TMEM117: variants seen among roughly 807,000 people sequenced by gnomAD.
The protein encoded by TMEM117 is transmembrane protein 117.
Under a neutral mutation model 52.4 loss-of-function variants are expected in TMEM117, and 27 were observed. The ratio of observed to expected loss-of-function variants is 0.51; its 90% CI spans 0.38 to 0.71. TMEM117 has a LOEUF of 0.71. TMEM117 is among the 30% of genes least tolerant of loss of function. TMEM117 has a pLI of 0.00. For synonymous variants in TMEM117, 215 were observed against 206.3 expected (o/e 1.04, Z -0.36); for missense variants, 556 against 630.5 (o/e 0.88, Z 1.26).
chr12:43,804,633 A>T, the TMEM117 span: 1 of 1,186,498 alleles, frequency 8.4e-7, no homozygotes, highest in Non-Finnish European at 1.2e-6. Context: ...TTTCCTATCT[A>T]TATTGGAAAA....
At chr12:43,809,211 C>T in the TMEM117 span, among the ~76,000 whole-genome samples, 9 of 152,304 alleles carry the variant, frequency 5.9e-5, no homozygotes, top group African/African-American at 1.9e-4. Flanking sequence ...AATCATTCAT[C>T]CATCCATCTT....
At chr12:43,903,413 G>A (rs186328968) in intron 2 of TMEM117, among the ~76,000 whole-genome samples, 2 of 152,148 alleles carry the variant, frequency 1.3e-5, no homozygotes, top group Non-Finnish European at 2.9e-5. Flanking sequence ...AGGGACATTA[G>A]AATGAGTCAT....
At chr12:44,191,571 A>AG (rs907325585) in intron 4 of TMEM117, among the ~76,000 whole-genome samples, 1 of 152,172 alleles carries the variant, frequency 6.6e-6, no homozygotes, top group Admixed American at 6.6e-5. Flanking sequence ...TGTCCTACTC[A>AG]GATGATTTGA....
At chr12:44,098,567 G>A (rs2138067667) in intron 3 of TMEM117, among the ~76,000 whole-genome samples, 1 of 152,028 alleles carries the variant, frequency 6.6e-6, no homozygotes, top group Non-Finnish European at 1.5e-5. Flanking sequence ...TTAAAATATG[G>A]CCATTAGTAT....
At chr12:44,251,449 G>C (rs1458024321) in intron 5 of TMEM117, among the ~76,000 whole-genome samples, 1 of 152,100 alleles carries the variant, frequency 6.6e-6, no homozygotes, top group East Asian at 1.9e-4. Context: ...GAAATCCTAA[G>C]GGTAGCTTAT....
At position 44,191,322 on chromosome 12, in the gene TMEM117, G is replaced by A. The variant is rs7135846; in HGVS notation, c.511-19968G>A. Among the ~76,000 whole-genome samples, 1,243 of 152,180 alleles carry A rather than the reference G, an allele frequency of 8.2e-3. 13 individuals are homozygous for A. Among genetic ancestry groups the A allele is most frequent in the African/African-American group, 0.029 (1,184 of 41,532 alleles). ...GGAACTACAATTCAAGATAAAATTT[G>A]GGTAGGGTCACAGCCAAACCATGTC... On this transcript the variant is annotated intron_variant, in intron 4 of 7. Transcript: ENST00000266534.
intron 5 of TMEM117, among the ~76,000 whole-genome samples, chr12:44,296,823 C>T (rs908998574): frequency 1.3e-5 from 2 of 152,188 alleles, no homozygotes; most frequent in African/African-American, 2.4e-5. Context: ...GGGCATGACT[C>T]CTCCCTCATT....
intron 6 of TMEM117, among the ~76,000 whole-genome samples, chr12:44,358,210 A>G (rs561502718): frequency 2.0e-5 from 3 of 152,186 alleles, no homozygotes; most frequent in Admixed American, 6.5e-5. Flanking sequence ...AAAACTAACT[A>G]TTGGGCACTA....
intron 2 of TMEM117, among the ~76,000 whole-genome samples, chr12:43,851,319 T>A (rs989035382): frequency 2.0e-5 from 3 of 152,202 alleles, no homozygotes; most frequent in South Asian, 2.1e-4. Flanking sequence ...CAGGAGCAAT[T>A]CTGAAATCAG....
At chr12:44,370,148 A>G (rs1951842517) in intron 6 of TMEM117, among the ~76,000 whole-genome samples, 1 of 152,166 alleles carries the variant, frequency 6.6e-6, no homozygotes, top group South Asian at 2.1e-4. Context: ...TGTCTCATGA[A>G]CTTCTTTGTA....
At chr12:44,122,973 G>A (rs1044772425) in intron 3 of TMEM117, among the ~76,000 whole-genome samples, 1 of 152,174 alleles carries the variant, frequency 6.6e-6, no homozygotes, top group Non-Finnish European at 1.5e-5. Context: ...CTAGGTCTTT[G>A]AGGAATTGCC....
intron 2 of TMEM117, among the ~76,000 whole-genome samples, chr12:43,905,473 A>G (rs1239251786): frequency 2.0e-5 from 3 of 152,172 alleles, no homozygotes; most frequent in Non-Finnish European, 4.4e-5. Context: ...CCATTAGATT[A>G]TATTAACTGT....
At chr12:44,217,900 G>A (rs573022704) in intron 5 of TMEM117, among the ~76,000 whole-genome samples, 1 of 152,200 alleles carries the variant, frequency 6.6e-6, no homozygotes, top group Admixed American at 6.6e-5. Flanking sequence ...ACACCCTGAT[G>A]AACAGAGTTG....
At chr12:43,888,027 G>A (rs1054472161) in intron 2 of TMEM117, among the ~76,000 whole-genome samples, 1 of 152,188 alleles carries the variant, frequency 6.6e-6, no homozygotes, top group Non-Finnish European at 1.5e-5. Flanking sequence ...GGGCAAATCT[G>A]TAGAAGAGAA....
chr12:44,157,113 A>G (rs1948835614), intron 4 of TMEM117, among the ~76,000 whole-genome samples: 2 of 152,188 alleles, frequency 1.3e-5, no homozygotes, highest in Non-Finnish European at 2.9e-5. Flanking sequence ...ATGAAGAACA[A>G]TCCTTTTATA....
At chr12:43,856,409 G>T (rs1281327467) in intron 2 of TMEM117, among the ~76,000 whole-genome samples, 2 of 152,130 alleles carry the variant, frequency 1.3e-5, no homozygotes, top group African/African-American at 4.8e-5. Context: ...GTGACCAACA[G>T]AATTTAAGTT....
intron 3 of TMEM117, among the ~76,000 whole-genome samples, chr12:44,107,614 A>C (rs918966690): frequency 6.6e-6 from 1 of 152,132 alleles, no homozygotes; most frequent in Non-Finnish European, 1.5e-5. Flanking sequence ...GCACAGACTG[A>C]ATTTTTAATT....
chr12:44,347,683 T>C lies in TMEM117; in HGVS notation c.769-28912T>C, dbSNP rs866587493. Among the ~76,000 whole-genome samples, 17 of 152,172 alleles carry C rather than the reference T, an allele frequency of 1.1e-4. No individual in the cohort carries two copies. The South Asian group carries it at 3.3e-3, about 30-fold the overall frequency. On this transcript the variant is annotated intron_variant, in intron 6 of 7. Coordinates refer to ENST00000266534, the MANE Select transcript of TMEM117 (RefSeq NM_032256.3). ...TTGGGAAGCTTTGTGTTCTGCTTACTAACAGAGGTGATTTTCTTACAACAG... is the reference window on the plus strand; with the variant it reads ...TTGGGAAGCTTTGTGTTCTGCTTACCAACAGAGGTGATTTTCTTACAACAG...
chr12:44,126,786 C>T (rs116299282), intron 3 of TMEM117, among the ~76,000 whole-genome samples: 1,747 of 152,322 alleles, frequency 0.011, 22 homozygotes, highest in South Asian at 0.052. Context: ...TTCAGAGGAA[C>T]ACTTTTTAGG....
Sources: allele counts gnomAD v4.1 joint callset (sites outside exome capture counted in the v4.1 genomes callset), GRCh38; gene constraint gnomAD v4.1.1; transcripts MANE v1.5; gene names NCBI Gene and HGNC (gene_info 2026-07-23, HGNC 2026-07-21).